Variants in CTNNA2 observed in about 807,000 individuals in gnomAD.
The protein encoded by CTNNA2 is catenin alpha-2.
A neutral mutation model predicts 101.0 loss-of-function variants in CTNNA2; 42 were observed. The ratio of observed to expected loss-of-function variants is 0.42; its 90% CI spans 0.32 to 0.54. The LOEUF is 0.54. Among genes scored for constraint, CTNNA2 ranks in the 20% least tolerant of loss-of-function variants. CTNNA2 has a pLI of 0.14. For synonymous variants in CTNNA2, 450 were observed against 456.4 expected, an observed-to-expected ratio of 0.99 and a Z score of 0.18; for missense variants, 871 against 1,223.1, an observed-to-expected ratio of 0.71 and a Z score of 4.29.
rs532568529 is a variant in CTNNA2, at chr2:80,575,851, C to T, written c.1893+1537C>T. Among the ~76,000 whole-genome samples, 7 of 152,212 alleles carry T rather than the reference C, an allele frequency of 4.6e-5. No homozygotes were observed. In the South Asian group the frequency reaches 1.5e-3, roughly 32 times the overall value. On this transcript the variant is annotated intron_variant, in intron 13 of 18. Transcript: ENST00000402739. ...GTCACATAAAGTGTCATTTCTCTATCTCGACATTTCAAGTAGTTTGATTAG... is the reference window on the plus strand; with the variant it reads ...GTCACATAAAGTGTCATTTCTCTATTTCGACATTTCAAGTAGTTTGATTAG...
At chr2:79,574,077 C>T (rs1189340983) in intron 1 of CTNNA2, 1 of 153,680 alleles carries the variant, frequency 6.5e-6, no homozygotes, top group African/African-American at 2.4e-5. Context: ...CTGTAAGCAT[C>T]TGGTCACATT....
chr2:79,461,737 A>G (rs1040500835), intron 4 of CTNNA2, among the ~76,000 whole-genome samples: 1 of 152,134 alleles, frequency 6.6e-6, no homozygotes, highest in African/African-American at 2.4e-5. Context: ...CCCTAAGGAG[A>G]CCAAAAACAC....
At chr2:80,369,863 C>A (rs765966884) in intron 7 of CTNNA2, among the ~76,000 whole-genome samples, 9 of 152,212 alleles carry the variant, frequency 5.9e-5, no homozygotes, top group Non-Finnish European at 7.4e-5. Flanking sequence ...GGAAAAGGCA[C>A]GGAAACAGAT....
chr2:80,027,217 G>T (rs1401809127), intron 7 of CTNNA2, among the ~76,000 whole-genome samples: 2 of 152,148 alleles, frequency 1.3e-5, no homozygotes, highest in Non-Finnish European at 2.9e-5. Flanking sequence ...TAGTGGTATG[G>T]GAATGGCATG....
In CTNNA2 at chr2:79,904,762, T is replaced by C. The variant is rs148879509; in HGVS notation, c.853-4832T>C. ...GAGGTCTGTCTGTTTTCTCCTCTTA[T>C]GTCAGAGCTTGCATCAAGCCAGCTC... is the stretch of plus-strand genomic sequence containing the variant. On this transcript the variant is annotated intron_variant, in intron 6 of 18. Coordinates refer to ENST00000402739, the MANE Select transcript of CTNNA2 (RefSeq NM_001282597.3). Among the ~76,000 whole-genome samples the C allele has an allele frequency of 5.9e-5, 9 of 152,338 alleles. No homozygotes were observed. In the East Asian group the frequency reaches 1.5e-3, roughly 26 times the overall value.
At chr2:79,331,071 C>G (rs1417564304) in intron 3 of CTNNA2, among the ~76,000 whole-genome samples, 3 of 152,154 alleles carry the variant, frequency 2.0e-5, no homozygotes, top group African/African-American at 7.2e-5. Flanking sequence ...AGCATTTTGC[C>G]AGTAAGAGTT....
At chr2:79,519,813 C>T (rs758555162) in intron 1 of CTNNA2, among the ~76,000 whole-genome samples, 1 of 152,156 alleles carries the variant, frequency 6.6e-6, no homozygotes. Flanking sequence ...CCCTCTCTTT[C>T]ATTTTGAAAC....
intron 7 of CTNNA2, among the ~76,000 whole-genome samples, chr2:80,239,528 T>C (rs1391900860): frequency 1.3e-5 from 2 of 152,222 alleles, no homozygotes; most frequent in Non-Finnish European, 2.9e-5. Context: ...TTTTTTTCTA[T>C]ACACTATTTT....
At chr2:79,802,517 A>G (rs1283962775) in intron 3 of CTNNA2, among the ~76,000 whole-genome samples, 1 of 152,174 alleles carries the variant, frequency 6.6e-6, no homozygotes, top group South Asian at 2.1e-4. Flanking sequence ...CCCCAAGGTT[A>G]CAAAGTGACT....
chr2:79,532,971 C>T lies in CTNNA2; in HGVS notation c.-6+19764C>T, dbSNP rs559172766. Among the ~76,000 whole-genome samples, 3 of 152,156 alleles carry T rather than the reference C, an allele frequency of 2.0e-5. No homozygotes were observed. In the South Asian group the frequency reaches 6.2e-4, roughly 32 times the overall value. On this transcript the variant is annotated intron_variant, in intron 1 of 18. Coordinates refer to ENST00000402739, the MANE Select transcript of CTNNA2 (RefSeq NM_001282597.3). ...ATGCTCCTCTAAGGGAACCCTCTTC[C>T]CTGACAAGTCTGAAATATTCCTCTC...
At chr2:79,242,801 C>T (rs1226521096) in intron 2 of CTNNA2, among the ~76,000 whole-genome samples, 3 of 151,814 alleles carry the variant, frequency 2.0e-5, no homozygotes, top group Admixed American at 6.6e-5. Context: ...GACTCCATCT[C>T]TACAAAAAGT....
chr2:79,448,346 A>G (rs1273642255), intron 4 of CTNNA2, among the ~76,000 whole-genome samples: 1 of 151,822 alleles, frequency 6.6e-6, no homozygotes, highest in Non-Finnish European at 1.5e-5. Context: ...TTCTTATTTT[A>G]CCTTCAGACA....
intron 3 of CTNNA2, among the ~76,000 whole-genome samples, chr2:79,373,340 TA>T (rs1177068263): frequency 6.6e-6 from 1 of 152,216 alleles, no homozygotes; most frequent in Admixed American, 6.5e-5. Flanking sequence ...AAAATATTTT[TA>T]AAGTATTCCT....
intron 9 of CTNNA2, among the ~76,000 whole-genome samples, chr2:80,523,162 A>G (rs972079755): frequency 6.6e-6 from 1 of 152,220 alleles, no homozygotes; most frequent in Non-Finnish European, 1.5e-5. Flanking sequence ...GTATTAGAGG[A>G]AAACATTTAT....
At chr2:79,916,193 G>A (rs1686189459) in intron 7 of CTNNA2, among the ~76,000 whole-genome samples, 2 of 152,174 alleles carry the variant, frequency 1.3e-5, no homozygotes, top group Admixed American at 6.5e-5. Flanking sequence ...AGAAAGTAAT[G>A]TTTGAAAATG....
chr2:79,688,011 GA>G (rs1469503850), intron 2 of CTNNA2, among the ~76,000 whole-genome samples: 7 of 151,886 alleles, frequency 4.6e-5, no homozygotes, highest in Non-Finnish European at 1.0e-4. Flanking sequence ...TGAGAGGAGG[GA>G]AAAAAAGTTT....
At chr2:79,685,515 C>G (rs17785020) in intron 2 of CTNNA2, among the ~76,000 whole-genome samples, 12,340 of 152,188 alleles carry the variant, frequency 0.081, 544 homozygotes, top group Non-Finnish European at 0.1. Context: ...AACATGCGAC[C>G]CCCAAGGTTA....
At chr2:80,375,704 A>T (rs867882701) in intron 7 of CTNNA2, among the ~76,000 whole-genome samples, 4 of 151,284 alleles carry the variant, frequency 2.6e-5, no homozygotes, top group Admixed American at 1.3e-4. Flanking sequence ...AGCTGGGACT[A>T]CAGGCGCCCG....
intron 2 of CTNNA2, among the ~76,000 whole-genome samples, chr2:79,703,295 C>CT (rs1457499485): frequency 2.0e-5 from 3 of 152,160 alleles, no homozygotes; most frequent in African/African-American, 7.2e-5. Context: ...ACATTAGTAG[C>CT]TTAAAAGATT....
Sources: allele counts gnomAD v4.1 joint callset (sites outside exome capture counted in the v4.1 genomes callset), GRCh38; gene constraint gnomAD v4.1.1; transcripts MANE v1.5; gene names NCBI Gene and HGNC (gene_info 2026-07-23, HGNC 2026-07-21).